The following ZAP70 variants were observed in gnomAD, a reference collection of about 807,000 sequenced individuals.
ZAP70 encodes the protein tyrosine-protein kinase ZAP-70.
Under a neutral mutation model 65.8 loss-of-function variants are expected in ZAP70, and 27 were observed. That is an observed-to-expected ratio of 0.41 (90% confidence interval 0.30 to 0.57). ZAP70 has a LOEUF of 0.57. Among genes scored for constraint, ZAP70 ranks in the 20% least tolerant of loss-of-function variants. The pLI is 0.28. For synonymous variants in ZAP70, 363 were observed against 360.8 expected (o/e 1.01, Z -0.07); for missense variants, 696 against 870.5 (o/e 0.80, Z 2.52).
At chr2:97,754,959 T>C in the ZAP70 span, among the ~76,000 whole-genome samples, 1 of 152,206 alleles carries the variant, frequency 6.6e-6, no homozygotes, top group South Asian at 2.1e-4. Flanking sequence ...TGAGACTTGT[T>C]CTGTGAGCTT....
chr2:97,719,769 G>A (rs1477241133), intron 2 of ZAP70, among the ~76,000 whole-genome samples: 1 of 152,076 alleles, frequency 6.6e-6, no homozygotes, highest in Non-Finnish European at 1.5e-5. Flanking sequence ...AAAATTCTGA[G>A]ATTTGACAAA....
In ZAP70 at chr2:97,739,574, C is replaced by G; in HGVS notation, c.*76C>G. The stretch of plus-strand genomic sequence containing the variant: ...CCCCACCCCAGGTCCTGCAGTCTGG[C>G]TGAGCCCTGCTTGGTTGTCTCCACA... On this transcript the variant is annotated 3_prime_UTR_variant, in exon 14 of 14. Transcript: ENST00000264972. 1 of 1,548,418 alleles carries G rather than the reference C, an allele frequency of 6.5e-7. No individual in the cohort carries two copies. The highest frequency in any genetic ancestry group is 8.7e-7 in the Non-Finnish European group (1 of 1,145,560).
chr2:97,734,890 G>T, intron 9 of ZAP70, 178 bp downstream of exon 9: 1 of 889,026 alleles, frequency 1.1e-6, no homozygotes. Flanking sequence ...GACACCTGAC[G>T]GGGGTGGGAT....
At chr2:97,732,436 G>T (rs909343571) in intron 4 of ZAP70, among the ~76,000 whole-genome samples, 4 of 152,198 alleles carry the variant, frequency 2.6e-5, no homozygotes, top group African/African-American at 9.7e-5. Flanking sequence ...GCCCCCCATG[G>T]TTGGCTGACT....
rs1416564856 is a variant in ZAP70, at chr2:97,736,481, G to C, written c.1290-992G>C. On this transcript the variant is annotated intron_variant, in intron 10 of 13. Coordinates refer to ENST00000264972, the MANE Select transcript of ZAP70 (RefSeq NM_001079.4). This position sits in a 1 kb window ranked among gnomAD's most constrained non-coding sequence, Gnocchi z 4.0. ...GTGACAGGAACTGTTAGTAGCACTT[G>C]GGATTCATTAGCGAATAAACAAGGC... Among the ~76,000 whole-genome samples, 2 of 152,190 alleles carry C rather than the reference G, an allele frequency of 1.3e-5. No homozygotes were observed. Among genetic ancestry groups the C allele is most frequent in the Non-Finnish European group, 2.9e-5 (2 of 68,034 alleles).
In ZAP70 at chr2:97,733,563, C is replaced by T; in HGVS notation, c.857C>T (p.Thr286Ile). The T allele has an allele frequency of 6.2e-7, 1 of 1,613,680 alleles. No individual in the cohort carries two copies. Among genetic ancestry groups the T allele is most frequent in the Non-Finnish European group, 8.5e-7 (1 of 1,179,996 alleles). Reference protein sequence around the residue: ...TLTHPQRRIDTLNSDGYTPEP... With the variant: ...TLTHPQRRIDILNSDGYTPEP... ...CTTTAGCCTCAGAGACGAATCGACA[C>T]CCTCAACTCAGATGGATACACCCCT... Residue 286 changes from threonine to isoleucine, a missense_variant, in exon 8 of 14, where the codon ACC (threonine) becomes ATC (isoleucine). Around this residue, in one of 3 missense-constraint regions of ZAP70, gnomAD observed 551 missense variants for 630.0 expected, o/e 0.87. Coordinates refer to ENST00000264972, the MANE Select transcript of ZAP70 (RefSeq NM_001079.4).
At chr2:97,746,680 CAGACTA>C in the ZAP70 span, among the ~76,000 whole-genome samples, 1 of 152,176 alleles carries the variant, frequency 6.6e-6, no homozygotes, top group African/African-American at 2.4e-5. Flanking sequence ...GCAGCACACA[CAGACTA>C]AGACACAAGA....
chr2:97,725,260 G>T lies in ZAP70; in HGVS notation c.563+8G>T, dbSNP rs772011597. On this transcript the variant is annotated splice_region_variant and intron_variant, in intron 4 of 13. Transcript: ENST00000264972. The stretch of plus-strand genomic sequence containing the variant: ...GACCGACGGCAAGTTCCTGTATGTG[G>T]GGCCCGGGATTTGGGTGCGGTGAGG... 3.7e-6 allele frequency: 6 copies of T among 1,611,904 alleles called. No homozygotes were observed. The Admixed American group carries it at 6.7e-5, about 18-fold the overall frequency.
chr2:97,744,758 C>T (rs1357880167), downstream of ZAP70, among the ~76,000 whole-genome samples: 1 of 152,156 alleles, frequency 6.6e-6, no homozygotes, highest in Admixed American at 6.5e-5. Flanking sequence ...ATCCCTTCAA[C>T]AAATGGTACC....
chr2:97,730,849 A>G (rs1677569082), intron 4 of ZAP70, among the ~76,000 whole-genome samples: 1 of 152,110 alleles, frequency 6.6e-6, no homozygotes, highest in African/African-American at 2.4e-5. Flanking sequence ...AGGTCAGAAG[A>G]TTGAGACCAT....
At chr2:97,741,088 G>A (rs190564624), downstream of ZAP70, among the ~76,000 whole-genome samples, 4 of 152,240 alleles carry the variant, frequency 2.6e-5, no homozygotes, top group Admixed American at 6.5e-5. Flanking sequence ...GCTTTTCTAC[G>A]GAACATGTTC....
intron 2 of ZAP70, among the ~76,000 whole-genome samples, chr2:97,723,424 C>A (rs944035190): frequency 6.6e-6 from 1 of 152,184 alleles, no homozygotes; most frequent in Non-Finnish European, 1.5e-5. Flanking sequence ...TGCGCTGTCC[C>A]GCGCGCTTTT....
downstream of ZAP70, among the ~76,000 whole-genome samples, chr2:97,741,504 T>TC (rs574983342): frequency 8.0e-4 from 107 of 134,228 alleles, no homozygotes; most frequent in Middle Eastern, 0.015. Flanking sequence ...AAGCTCCCCG[T>TC]CCCCCCCAGG....
intron 13 of ZAP70, 174 bp downstream of exon 13, chr2:97,738,281 G>C: frequency 4.3e-6 from 3 of 690,470 alleles, no homozygotes; most frequent in Admixed American, 4.4e-5. Context: ...AACACACCAG[G>C]GTTTGCTGTC....
Position 97,734,525 on chromosome 2 carries a change from A to G in ZAP70, c.895A>G (p.Ile299Val), listed in dbSNP as rs2104693290. 3 of 1,613,788 alleles carry G rather than the reference A, an allele frequency of 1.9e-6. No individual in the cohort carries two copies. The highest frequency in any genetic ancestry group is 2.5e-6 in the Non-Finnish European group (3 of 1,179,918). ...SDGYTPEPAR[I>V]TSPDKPRPMP... The stretch of plus-strand genomic sequence containing the variant: ...GTACCGCTGTGTGTGCCCAGCACGC[A>G]TAACGTCCCCAGACAAACCGCGGCC... The change falls in exon 9 of 14, where the codon ATA becomes GTA. Residue 299 changes from isoleucine to valine, a missense_variant. Around this residue, in one of 3 missense-constraint regions of ZAP70, gnomAD observed 551 missense variants for 630.0 expected, o/e 0.87. Coordinates refer to ENST00000264972, the MANE Select transcript of ZAP70 (RefSeq NM_001079.4).
At chr2:97,751,631 C>T in the ZAP70 span, among the ~76,000 whole-genome samples, 1 of 152,120 alleles carries the variant, frequency 6.6e-6, no homozygotes, top group African/African-American at 2.4e-5. Flanking sequence ...GTCTTAGTCC[C>T]TTTGTGTTGC....
downstream of ZAP70, among the ~76,000 whole-genome samples, chr2:97,744,850 A>T (rs1678209878): frequency 6.6e-6 from 1 of 152,216 alleles, no homozygotes; most frequent in African/African-American, 2.4e-5. Context: ...ACTAAAATGG[A>T]TCAATGACCT....
At chr2:97,717,491 C>T (rs987916284) in intron 2 of ZAP70, among the ~76,000 whole-genome samples, 111 of 136,120 alleles carry the variant, frequency 8.2e-4, no homozygotes, top group African/African-American at 2.6e-3. Context: ...TGGGGGGACA[C>T]GTGGAGCCTC....
At chr2:97,749,217 G>A in the ZAP70 span, among the ~76,000 whole-genome samples, 1 of 152,032 alleles carries the variant, frequency 6.6e-6, no homozygotes, top group Non-Finnish European at 1.5e-5. Flanking sequence ...CACCGTGTTA[G>A]CCAGGATGGT....
Sources: gnomAD v4.1 joint callset for allele counts (sites outside exome capture counted in the v4.1 genomes callset) on GRCh38, gnomAD v4.1.1 for gene constraint, gnomAD v4.1.1 regional missense constraint, Gnocchi (gnomAD v3.1) non-coding constraint, MANE v1.5 for transcripts, NCBI Gene and HGNC (gene_info 2026-07-23, HGNC 2026-07-21) for gene names.